Variants in GRID2 observed in about 807,000 individuals in gnomAD.
GRID2 encodes glutamate ionotropic receptor delta type subunit 2.
Under a neutral mutation model 114.8 loss-of-function variants are expected in GRID2, and 33 were observed. The ratio of observed to expected loss-of-function variants is 0.29; its 90% confidence interval spans 0.22 to 0.38. The LOEUF (loss-of-function observed/expected upper bound fraction) is 0.38, where lower values mean the gene tolerates loss of function less well. Ranked by LOEUF, GRID2 falls within the 10% of genes least tolerant of loss-of-function variation. The probability of loss-of-function intolerance (pLI) is 1.00; values close to 1 mark genes in which losing one functional copy is unlikely to be tolerated. For synonymous variants in GRID2, 505 were observed against 449.9 expected (o/e 1.12, Z -1.55); for missense variants, 1,184 against 1,257.7 (o/e 0.94, Z 0.89).
chr4:93,743,115 T>C (rs993582502), intron 14 of GRID2, among the ~76,000 whole-genome samples: 23 of 152,338 alleles, frequency 1.5e-4, no homozygotes, highest in Admixed American at 1.2e-3. Context: ...GAAAGTTTAA[T>C]TGGTCTGGAT....
intron 2 of GRID2, among the ~76,000 whole-genome samples, chr4:92,978,545 C>T (rs1387990729): frequency 6.6e-6 from 1 of 151,994 alleles, no homozygotes; most frequent in Non-Finnish European, 1.5e-5. Flanking sequence ...TTCAAGACCT[C>T]TAATGGTCTG....
intron 2 of GRID2, among the ~76,000 whole-genome samples, chr4:92,944,508 C>G (rs1751454783): frequency 6.6e-6 from 1 of 152,230 alleles, no homozygotes; most frequent in Non-Finnish European, 1.5e-5. Flanking sequence ...AATTCCCTGA[C>G]CCCTTACACT....
intron 4 of GRID2, among the ~76,000 whole-genome samples, chr4:93,127,940 G>C (rs1734424089): frequency 7.1e-6 from 1 of 140,968 alleles, no homozygotes; most frequent in African/African-American, 2.6e-5. Flanking sequence ...AGGATAGTTT[G>C]ATCCCCAGGG....
intron 1 of GRID2, among the ~76,000 whole-genome samples, chr4:92,321,495 A>G (rs891533054): frequency 6.6e-6 from 1 of 152,196 alleles, no homozygotes; most frequent in South Asian, 2.1e-4. Context: ...TCTAATATGT[A>G]AAGTCAGTGA....
At chr4:93,411,054 A>G (rs1258528288) in intron 9 of GRID2, among the ~76,000 whole-genome samples, 1 of 152,234 alleles carries the variant, frequency 6.6e-6, no homozygotes, top group African/African-American at 2.4e-5. Context: ...CACGAGTACT[A>G]TTGAAAAAAG....
intron 1 of GRID2, among the ~76,000 whole-genome samples, chr4:92,542,485 C>T (rs936612051): frequency 2.0e-5 from 3 of 151,980 alleles, no homozygotes; most frequent in South Asian, 2.1e-4. Context: ...TTTGCAGCAA[C>T]GTGGATGGAG....
chr4:93,676,995 G>A (rs538050071), intron 14 of GRID2, among the ~76,000 whole-genome samples: 24 of 151,178 alleles, frequency 1.6e-4, no homozygotes, highest in Middle Eastern at 3.4e-3. Flanking sequence ...CTCGGGAAGC[G>A]CAAGGGGTCA....
chr4:92,600,032 GTGTGTGTGTGTGTATATATATATATA>G (rs1169824341), intron 2 of GRID2, among the ~76,000 whole-genome samples: 5 of 73,008 alleles, frequency 6.8e-5, no homozygotes, highest in Admixed American at 4.9e-4. Flanking sequence ...GTATGTGTGT[GTGTGTGTGTGTGTATATATATATATA>G]TATATATATA....
chr4:93,608,296 C>CTT lies in GRID2; in HGVS notation c.2194-17961_2194-17960dup, dbSNP rs774334616. 6.1e-3 allele frequency among the ~76,000 whole-genome samples: 718 copies of CTT among 116,754 alleles called. 6 individuals carry two copies. Among genetic ancestry groups the CTT allele is most frequent in the African/African-American group, 0.017 (494 of 28,990 alleles). The allele number at this position is 116,754 out of a possible 152,430, so 76.6% of individuals were successfully genotyped here. ...GTCCAACTGAAAATTATTTTTTTTT[C>CTT]TTTTTTTTTTTTTAATTTTTTTTTT... On this transcript the variant is annotated intron_variant, in intron 13 of 15. Coordinates refer to ENST00000282020, the MANE Select transcript of GRID2 (RefSeq NM_001510.4).
intron 1 of GRID2, among the ~76,000 whole-genome samples, chr4:92,407,816 A>G (rs1453176691): frequency 2.0e-5 from 3 of 152,112 alleles, no homozygotes; most frequent in African/African-American, 7.2e-5. Context: ...TAAGTTCCTT[A>G]CAGATTCTGG....
chr4:93,382,573 T>TTGTAG, intron 8 of GRID2, among the ~76,000 whole-genome samples: 1 of 152,144 alleles, frequency 6.6e-6, no homozygotes, highest in East Asian at 1.9e-4. Flanking sequence ...AAAATTTCTT[T>TTGTAG]CTACTTTTAA....
intron 14 of GRID2, among the ~76,000 whole-genome samples, chr4:93,632,125 C>G (rs1720956030): frequency 6.6e-6 from 1 of 152,170 alleles, no homozygotes; most frequent in Non-Finnish European, 1.5e-5. Flanking sequence ...AGCCCTTTGT[C>G]AGACGAGTAG....
chr4:92,486,308 A>G (rs1385437718), intron 1 of GRID2, among the ~76,000 whole-genome samples: 1 of 151,846 alleles, frequency 6.6e-6, no homozygotes, highest in Non-Finnish European at 1.5e-5. Flanking sequence ...TATACAGCAT[A>G]AAAAATAGAA....
At chr4:93,197,023 A>G (rs1044197073) in intron 4 of GRID2, among the ~76,000 whole-genome samples, 7 of 152,122 alleles carry the variant, frequency 4.6e-5, no homozygotes, top group Non-Finnish European at 1.0e-4. Flanking sequence ...GGAAAAGCAC[A>G]TTTTCTTATA....
At chr4:93,477,271 C>T (rs967781472) in intron 11 of GRID2, among the ~76,000 whole-genome samples, 1 of 152,106 alleles carries the variant, frequency 6.6e-6, no homozygotes, top group African/African-American at 2.4e-5. Context: ...CATGAGTGTT[C>T]TGCCTGTATA....
chr4:93,292,662 CTT>C (rs1753871546), intron 8 of GRID2, among the ~76,000 whole-genome samples: 1 of 152,120 alleles, frequency 6.6e-6, no homozygotes, highest in Non-Finnish European at 1.5e-5. Flanking sequence ...GTTTTAAAGA[CTT>C]AAGTTATAAA....
intron 13 of GRID2, among the ~76,000 whole-genome samples, chr4:93,602,401 A>G (rs1414821191): frequency 6.6e-6 from 1 of 152,196 alleles, no homozygotes; most frequent in Non-Finnish European, 1.5e-5. Context: ...TTGTGTGTTC[A>G]GTAAATTAAA....
intron 2 of GRID2, among the ~76,000 whole-genome samples, chr4:93,002,125 A>T (rs1721051384): frequency 6.6e-6 from 1 of 151,778 alleles, no homozygotes; most frequent in Admixed American, 6.6e-5. Flanking sequence ...TTACCAATGT[A>T]CATTCACATA....
At chr4:93,252,937 G>C (rs997567445) in intron 8 of GRID2, among the ~76,000 whole-genome samples, 1 of 152,038 alleles carries the variant, frequency 6.6e-6, no homozygotes, top group African/African-American at 2.4e-5. Context: ...ACTTTATAGT[G>C]TGGCAATTTT....
Sources: allele counts gnomAD v4.1 joint callset (sites outside exome capture counted in the v4.1 genomes callset), GRCh38; gene constraint gnomAD v4.1.1; transcripts MANE v1.5; gene names NCBI Gene and HGNC (gene_info 2026-07-23, HGNC 2026-07-21).